KCNG2: variants seen among roughly 807,000 people sequenced by gnomAD.
The protein encoded by KCNG2 is potassium voltage-gated channel modifier subfamily G member 2, also known as voltage-gated potassium channel regulatory subunit KCNG2.
KCNG2 carries 7 observed loss-of-function variants against 12.3 expected under a neutral mutation model. The ratio of observed to expected loss-of-function variants is 0.57; its 90% CI spans 0.32 to 1.07. The LOEUF is 1.07. Ranked by LOEUF, KCNG2 falls within the 50% of genes least tolerant of loss-of-function variation. The pLI is 0.04. For missense variants in KCNG2, 703 were observed against 726.0 expected (o/e 0.97, Z 0.36); for synonymous variants, 414 against 351.4 (o/e 1.18, Z -1.99).
intron 1 of KCNG2, among the ~76,000 whole-genome samples, chr18:79,825,314 A>T (rs1054631470): frequency 6.6e-6 from 1 of 152,216 alleles, no homozygotes; most frequent in Non-Finnish European, 1.5e-5. Context: ...ATGTGGCTTT[A>T]AAAAAGAAAA....
At chr18:79,813,803 A>G (rs146149327) in intron 1 of KCNG2, among the ~76,000 whole-genome samples, 9 of 152,384 alleles carry the variant, frequency 5.9e-5, no homozygotes, top group African/African-American at 2.2e-4. Context: ...TTTTAAGAGC[A>G]TGAAGCGTAA....
intron 3 of KCNG2, among the ~76,000 whole-genome samples, chr18:79,867,597 G>C (rs9964266): frequency 0.03 from 4,442 of 148,552 alleles, 277 homozygotes; most frequent in African/African-American, 0.1. Flanking sequence ...GTCGTGTCTG[G>C]GGGGGGACCG....
At chr18:79,870,805 CA>C (rs1979799518) in intron 3 of KCNG2, among the ~76,000 whole-genome samples, 1 of 152,176 alleles carries the variant, frequency 6.6e-6, no homozygotes, top group Non-Finnish European at 1.5e-5. Flanking sequence ...AGCTGGTAGC[CA>C]AGTTTCTTCT....
intron 1 of KCNG2, among the ~76,000 whole-genome samples, chr18:79,855,456 T>G (rs1279408796): frequency 6.6e-6 from 1 of 152,128 alleles, no homozygotes; most frequent in Non-Finnish European, 1.5e-5. Context: ...GAACTGCCGC[T>G]TTGACTGGTT....
intron 1 of KCNG2, among the ~76,000 whole-genome samples, chr18:79,827,955 C>T (rs1436735487): frequency 7.1e-6 from 1 of 140,764 alleles, no homozygotes; most frequent in Non-Finnish European, 1.5e-5. Context: ...ATGTAGTCTC[C>T]CTCTGTTGCC....
intron 1 of KCNG2, among the ~76,000 whole-genome samples, chr18:79,807,720 G>C (rs534890423): frequency 6.6e-6 from 1 of 152,222 alleles, no homozygotes; most frequent in Non-Finnish European, 1.5e-5. Flanking sequence ...AAGTTGCTCC[G>C]GCGCCACTGA....
intron 1 of KCNG2, among the ~76,000 whole-genome samples, chr18:79,809,809 C>T (rs920915492): frequency 1.3e-5 from 2 of 152,264 alleles, no homozygotes; most frequent in African/African-American, 4.8e-5. Flanking sequence ...GTGGTCACCT[C>T]GTCCAGAAAA....
chr18:79,890,679 T>A (rs1980714057), intron 3 of KCNG2, among the ~76,000 whole-genome samples: 1 of 152,238 alleles, frequency 6.6e-6, no homozygotes, highest in South Asian at 2.1e-4. Context: ...ACCCTTTGGC[T>A]GGATTCAGTG....
chr18:79,815,291 A>T (rs2087520997), intron 1 of KCNG2, among the ~76,000 whole-genome samples: 1 of 152,002 alleles, frequency 6.6e-6, no homozygotes, highest in African/African-American at 2.4e-5. Flanking sequence ...AATAGAAAAA[A>T]TTATCTGGGT....
chr18:79,851,470 C>T lies in KCNG2; in HGVS notation c.-114-4909C>T, dbSNP rs1268029297. ...AGCCCTCAGTCAAGATGGAGTAGCTCCGGCTGGAGCGCCTCCGACACTCAG... is the reference window on the plus strand; with the variant it reads ...AGCCCTCAGTCAAGATGGAGTAGCTTCGGCTGGAGCGCCTCCGACACTCAG... On this transcript the variant is annotated intron_variant, in intron 1 of 3. Coordinates refer to ENST00000316249, the MANE Select transcript of KCNG2 (RefSeq NM_012283.2). 3.3e-5 allele frequency among the ~76,000 whole-genome samples: 5 copies of T among 152,330 alleles called. No homozygotes were observed. The South Asian group carries it at 1.0e-3, about 32-fold the overall frequency.
At chr18:79,810,562 A>G (rs1029158219) in intron 1 of KCNG2, among the ~76,000 whole-genome samples, 25 of 152,186 alleles carry the variant, frequency 1.6e-4, no homozygotes, top group Non-Finnish European at 3.5e-4. Context: ...CACCTCAGAA[A>G]TTTAAGACCA....
chr18:79,895,758 T>TTC (rs1599442460), intron 3 of KCNG2, among the ~76,000 whole-genome samples: 252 of 152,042 alleles, frequency 1.7e-3, no homozygotes, highest in South Asian at 5.4e-3. Flanking sequence ...ATTTATATAG[T>TTC]TGGATCTGTG....
intron 3 of KCNG2, among the ~76,000 whole-genome samples, chr18:79,869,359 A>G (rs2123086007): frequency 6.6e-6 from 1 of 152,262 alleles, no homozygotes; most frequent in Non-Finnish European, 1.5e-5. Flanking sequence ...GTTATGTATG[A>G]GCAGGACATG....
chr18:79,801,056 G>C (rs573854932), intron 1 of KCNG2, among the ~76,000 whole-genome samples: 2 of 152,172 alleles, frequency 1.3e-5, no homozygotes, highest in Admixed American at 6.5e-5. Flanking sequence ...GCGGATGTCC[G>C]GGGCGGCCAA....
chr18:79,852,534 C>A (rs1226602363), intron 1 of KCNG2, among the ~76,000 whole-genome samples: 7 of 152,266 alleles, frequency 4.6e-5, no homozygotes, highest in African/African-American at 1.4e-4. Context: ...CATCTCAGTA[C>A]AGGGGCCACT....
Position 79,831,591 on chromosome 18 carries a change from C to A in KCNG2, c.-114-24788C>A, listed in dbSNP as rs868759267. Among the ~76,000 whole-genome samples, 495 of 113,884 alleles carry A rather than the reference C, an allele frequency of 4.3e-3. 25 individuals are homozygous for A. Among genetic ancestry groups the A allele is most frequent in the African/African-American group, 0.014 (444 of 31,700 alleles). The allele number at this position is 113,884 out of a possible 152,430, so 74.7% of individuals were successfully genotyped here. ...GAGCCTTCGTCAGGAGCGTGCCCTG[C>A]GTACAGAGCCTTCGTCAGGAGCGTG... On this transcript the variant is annotated intron_variant, in intron 1 of 3. Coordinates refer to ENST00000316249, the MANE Select transcript of KCNG2 (RefSeq NM_012283.2).
At chr18:79,838,656 C>A (rs1407840166) in intron 1 of KCNG2, among the ~76,000 whole-genome samples, 2 of 152,142 alleles carry the variant, frequency 1.3e-5, no homozygotes, top group Non-Finnish European at 2.9e-5. Flanking sequence ...AGTGATCCTC[C>A]CACCTCAGCC....
At chr18:79,876,810 A>T (rs1386110835) in intron 3 of KCNG2, among the ~76,000 whole-genome samples, 1 of 152,192 alleles carries the variant, frequency 6.6e-6, no homozygotes, top group Non-Finnish European at 1.5e-5. Context: ...GATGCCTCTC[A>T]TGGTGTTTGG....
chr18:79,876,863 G>A (rs1450879437), intron 3 of KCNG2, among the ~76,000 whole-genome samples: 1 of 152,246 alleles, frequency 6.6e-6, no homozygotes, highest in African/African-American at 2.4e-5. Context: ...ATGTGCTGGG[G>A]TCAGGGGGCC....
Sources: gnomAD v4.1 joint callset for allele counts (sites outside exome capture counted in the v4.1 genomes callset) on GRCh38, gnomAD v4.1.1 for gene constraint, MANE v1.5 for transcripts, NCBI Gene and HGNC (gene_info 2026-07-23, HGNC 2026-07-21) for gene names.